MAPRE2: variants seen among roughly 807,000 people sequenced by gnomAD.
The protein encoded by MAPRE2 is microtubule-associated protein RP/EB family member 2.
A neutral mutation model predicts 43.2 loss-of-function variants in MAPRE2; 13 were observed. That is an observed-to-expected ratio of 0.30 (90% confidence interval 0.20 to 0.48). MAPRE2 has a LOEUF of 0.48. Ranked by LOEUF, MAPRE2 falls within the 20% of genes least tolerant of loss-of-function variation. MAPRE2 has a pLI of 0.99. For synonymous variants in MAPRE2, 135 were observed against 148.8 expected (o/e 0.91, Z 0.68); for missense variants, 161 against 400.2 (o/e 0.40, Z 5.10).
At chr18:35,013,216 G>A (rs1640770066) in intron 2 of MAPRE2, among the ~76,000 whole-genome samples, 1 of 152,086 alleles carries the variant, frequency 6.6e-6, no homozygotes, top group Admixed American at 6.6e-5. Context: ...GGCAGGTTTA[G>A]ATAACCCTTA....
intron 4 of MAPRE2, among the ~76,000 whole-genome samples, chr18:35,115,412 G>A (rs895594799): frequency 1.4e-4 from 22 of 152,096 alleles, no homozygotes; most frequent in Admixed American, 1.3e-3. Context: ...GATGGTTTTT[G>A]GCTATATGGA....
intron 2 of MAPRE2, among the ~76,000 whole-genome samples, chr18:35,034,053 C>T (rs1395142813): frequency 6.6e-6 from 1 of 152,030 alleles, no homozygotes; most frequent in Non-Finnish European, 1.5e-5. Flanking sequence ...CCCACATCAC[C>T]AAGTCAATCC....
chr18:35,113,054 C>T (rs74318376), intron 4 of MAPRE2, among the ~76,000 whole-genome samples: 3,257 of 152,272 alleles, frequency 0.021, 109 homozygotes, highest in African/African-American at 0.074. Flanking sequence ...AGTTACCTCC[C>T]AAAGGCCCCA....
At chr18:35,110,048 C>T (rs1325728722) in intron 4 of MAPRE2, among the ~76,000 whole-genome samples, 1 of 151,976 alleles carries the variant, frequency 6.6e-6, no homozygotes, top group African/African-American at 2.4e-5. Flanking sequence ...CTTGTTTTTT[C>T]ACACTATCCT....
chr18:34,979,593 T>C (rs1235096406), intron 1 of MAPRE2, among the ~76,000 whole-genome samples: 2 of 151,870 alleles, frequency 1.3e-5, no homozygotes, highest in Admixed American at 1.3e-4. Context: ...AAAAAAACTG[T>C]TGGGAAAGTG....
At chr18:35,002,829 C>T (rs1219952923) in intron 1 of MAPRE2, among the ~76,000 whole-genome samples, 1 of 152,054 alleles carries the variant, frequency 6.6e-6, no homozygotes, top group African/African-American at 2.4e-5. Flanking sequence ...ATTGGGCTTG[C>T]AAATACTTTC....
intron 1 of MAPRE2, among the ~76,000 whole-genome samples, chr18:34,995,888 G>C (rs1271567860): frequency 6.6e-6 from 1 of 152,088 alleles, no homozygotes; most frequent in African/African-American, 2.4e-5. Flanking sequence ...CTCAAGGTGT[G>C]GTCTTTAGAC....
chr18:35,130,150 T>G (rs1300054564), intron 5 of MAPRE2, among the ~76,000 whole-genome samples: 1 of 147,244 alleles, frequency 6.8e-6, no homozygotes, highest in African/African-American at 2.5e-5. Flanking sequence ...TACAGGGGGC[T>G]GGGGGGGGGT....
chr18:35,070,423 T>A (rs1907051548), intron 2 of MAPRE2, 101 bp downstream of exon 2: 7 of 985,246 alleles, frequency 7.1e-6, no homozygotes, highest in Non-Finnish European at 1.0e-5. Context: ...TAGGAAAAAG[T>A]ATATATTGCT....
chr18:35,123,807 G>T (rs1909790177), intron 4 of MAPRE2, among the ~76,000 whole-genome samples: 1 of 152,150 alleles, frequency 6.6e-6, no homozygotes, highest in Non-Finnish European at 1.5e-5. Context: ...AACTATTATT[G>T]AATTTCTCTG....
intron 2 of MAPRE2, among the ~76,000 whole-genome samples, chr18:35,032,780 C>A (rs2097048452): frequency 6.6e-6 from 1 of 152,048 alleles, no homozygotes; most frequent in Non-Finnish European, 1.5e-5. Flanking sequence ...CAAACAGGCA[C>A]TTTAAACATT....
At chr18:35,139,643 T>A (rs1910536773) in intron 6 of MAPRE2, among the ~76,000 whole-genome samples, 1 of 152,228 alleles carries the variant, frequency 6.6e-6, no homozygotes, top group Non-Finnish European at 1.5e-5. Flanking sequence ...CTGAGCTCCC[T>A]CATTGGGAGG....
intron 4 of MAPRE2, among the ~76,000 whole-genome samples, chr18:35,114,748 C>T (rs1422916940): frequency 6.6e-6 from 1 of 152,170 alleles, no homozygotes; most frequent in African/African-American, 2.4e-5. Flanking sequence ...GAAGGCAGAC[C>T]ATCCTAGCCC....
chr18:35,052,939 T>C (rs892923986), intron 1 of MAPRE2, among the ~76,000 whole-genome samples: 4 of 152,270 alleles, frequency 2.6e-5, no homozygotes, highest in Admixed American at 2.0e-4. Context: ...TTTTGCATAA[T>C]AATATAGTCT....
At chr18:34,998,926 T>C (rs1389247579) in intron 1 of MAPRE2, among the ~76,000 whole-genome samples, 1 of 152,098 alleles carries the variant, frequency 6.6e-6, no homozygotes, top group East Asian at 1.9e-4. Flanking sequence ...TCAGCCCTTT[T>C]GCTACTGTCA....
At position 34,987,270 on chromosome 18, in the gene MAPRE2, A is replaced by G. The variant is rs1471793989; in HGVS notation, c.-70+10191A>G. 2.6e-5 allele frequency among the ~76,000 whole-genome samples: 4 copies of G among 152,338 alleles called. No homozygotes were observed. In the East Asian group the frequency reaches 7.7e-4, roughly 29 times the overall value. ...GATGTCAACAGTATGTTCCTAATCA[A>G]AGTGAGATTCCAAGTGATTGCAATG... is the stretch of plus-strand genomic sequence containing the variant. On this transcript the variant is annotated intron_variant, in intron 1 of 7. Coordinates refer to the MAPRE2 transcript ENST00000413393.
chr18:35,132,002 T>C (rs781130018), intron 5 of MAPRE2, 30 bp from the exon 6 acceptor site: 4 of 1,559,456 alleles, frequency 2.6e-6, no homozygotes, highest in Non-Finnish European at 3.4e-6. Flanking sequence ...TTTTGGGTGG[T>C]TTTTTTTCTT....
intron 2 of MAPRE2, among the ~76,000 whole-genome samples, chr18:35,085,792 T>C (rs1050410678): frequency 2.6e-5 from 4 of 152,180 alleles, no homozygotes; most frequent in Non-Finnish European, 5.9e-5. Context: ...CACTGACGTT[T>C]TGCACATAAG....
At chr18:35,100,739 A>C (rs1908636761) in intron 3 of MAPRE2, among the ~76,000 whole-genome samples, 1 of 152,198 alleles carries the variant, frequency 6.6e-6, no homozygotes, top group South Asian at 2.1e-4. Context: ...CATATTACAA[A>C]GAAATTTAAA....
Sources: allele counts gnomAD v4.1 joint callset (sites outside exome capture counted in the v4.1 genomes callset), GRCh38; gene constraint gnomAD v4.1.1; transcripts MANE v1.5; gene names NCBI Gene and HGNC (gene_info 2026-07-23, HGNC 2026-07-21).